DNM3: variants seen among roughly 807,000 people sequenced by gnomAD.
DNM3 encodes the protein dynamin-3.
Under a neutral mutation model 101.6 loss-of-function variants are expected in DNM3, and 47 were observed. The observed-to-expected ratio is 0.46, with a 90% CI of 0.37 to 0.59. The LOEUF (loss-of-function observed/expected upper bound fraction) is 0.59. Ranked by LOEUF, DNM3 falls within the 20% of genes least tolerant of loss-of-function variation. The pLI, the probability that DNM3 is intolerant of heterozygous loss-of-function variation, is 0.00. For missense variants in DNM3, 849 were observed against 1,085.7 expected, an observed-to-expected ratio of 0.78 and a Z score of 3.06; for synonymous variants, 385 against 387.9, an observed-to-expected ratio of 0.99 and a Z score of 0.09.
chr1:171,967,210 A>T (rs895634309), intron 2 of DNM3, among the ~76,000 whole-genome samples: 1 of 152,182 alleles, frequency 6.6e-6, no homozygotes, highest in Admixed American at 6.6e-5. Flanking sequence ...ATATGGTGGC[A>T]GTCTCATACT....
rs137934300 is a variant in DNM3 at position 171,849,067 on chromosome 1, C to A, written c.161+7250C>A. Among the ~76,000 whole-genome samples the A allele has an allele frequency of 2.6e-3, 393 of 152,270 alleles. 1 individual carries two copies. The highest frequency in any genetic ancestry group is 9.2e-3 in the African/African-American group (382 of 41,542). ...TACATGATAGCAGTAGCTAGGTATC[C>A]TGAAGGACCTCATTGTTTATCCTTC... On this transcript the variant is annotated intron_variant, in intron 1 of 20. Transcript: ENST00000627582.
intron 14 of DNM3, among the ~76,000 whole-genome samples, chr1:172,232,228 G>A (rs762474682): frequency 6.6e-6 from 1 of 151,972 alleles, no homozygotes; most frequent in Non-Finnish European, 1.5e-5. Context: ...AAAAAGGCAG[G>A]GGTTTCAATC....
At chr1:171,985,798 G>A (rs1355963158) in intron 2 of DNM3, among the ~76,000 whole-genome samples, 4 of 152,160 alleles carry the variant, frequency 2.6e-5, no homozygotes, top group Non-Finnish European at 5.9e-5. Flanking sequence ...TTTCCAGCCA[G>A]AGTGGCTGGG....
chr1:172,409,186 C>A lies in DNM3; in HGVS notation c.*1345C>A. The A allele has an allele frequency of 1.0e-6, 1 of 985,278 alleles. No homozygotes were observed. The highest frequency in any genetic ancestry group is 1.2e-6 in the Non-Finnish European group (1 of 829,860). 61.0% of individuals were successfully genotyped at this position (985,278 alleles called of 1,614,324 possible). ...CTGGAATTTTGTGTGCTAACTGTTC[C>A]CAGACAGCAGAGCAAGTATTCACTG... On this transcript the variant is annotated 3_prime_UTR_variant, in exon 21 of 21. Transcript: ENST00000627582.
chr1:172,336,313 C>T (rs988426144), intron 17 of DNM3, among the ~76,000 whole-genome samples: 16 of 151,966 alleles, frequency 1.1e-4, no homozygotes, highest in Non-Finnish European at 2.2e-4. Context: ...TTAAGTCTAG[C>T]GTTAATGCAC....
intron 15 of DNM3, among the ~76,000 whole-genome samples, chr1:172,304,008 G>C (rs183366070): frequency 2.0e-4 from 30 of 151,900 alleles, no homozygotes; most frequent in African/African-American, 7.3e-4. Context: ...CATAATGTCA[G>C]GATCAGAGTC....
chr1:172,191,368 G>T (rs2059716812), intron 14 of DNM3, among the ~76,000 whole-genome samples: 1 of 152,052 alleles, frequency 6.6e-6, no homozygotes, highest in African/African-American at 2.4e-5. Context: ...CTGTTCCATT[G>T]GTCTATATCT....
intron 14 of DNM3, among the ~76,000 whole-genome samples, chr1:172,191,045 C>T (rs1415714009): frequency 2.6e-5 from 4 of 152,028 alleles, no homozygotes; most frequent in Non-Finnish European, 4.4e-5. Flanking sequence ...TCAATTTTGG[C>T]TTTTGTTGCC....
At chr1:172,005,186 GAAT>G (rs1264773918) in intron 4 of DNM3, among the ~76,000 whole-genome samples, 1 of 151,900 alleles carries the variant, frequency 6.6e-6, no homozygotes, top group Non-Finnish European at 1.5e-5. Flanking sequence ...CTGTAAAATG[GAAT>G]AATAATAATA....
At chr1:172,012,414 T>C (rs1368302875) in intron 4 of DNM3, among the ~76,000 whole-genome samples, 1 of 152,042 alleles carries the variant, frequency 6.6e-6, no homozygotes, top group Non-Finnish European at 1.5e-5. Flanking sequence ...TGTAATTCAA[T>C]TGTAAGAAGG....
intron 1 of DNM3, among the ~76,000 whole-genome samples, chr1:171,853,724 A>T (rs1281895759): frequency 1.3e-5 from 2 of 152,072 alleles, no homozygotes; most frequent in Non-Finnish European, 2.9e-5. Flanking sequence ...ATGTGGGATA[A>T]CTCTGACAGC....
At position 171,990,296 on chromosome 1, in the gene DNM3, G is replaced by A. The variant is rs114468400; in HGVS notation, c.589+1148G>A. ...TGCCGCTTGTTCGTGCATGAGAGTGGAGCACCAAAAAGCTGATTTATGTAC... is the reference window on the plus strand; with the variant it reads ...TGCCGCTTGTTCGTGCATGAGAGTGAAGCACCAAAAAGCTGATTTATGTAC... On this transcript the variant is annotated intron_variant, in intron 4 of 20. Coordinates refer to ENST00000627582, the MANE Select transcript of DNM3 (RefSeq NM_015569.5). 2.9e-3 allele frequency among the ~76,000 whole-genome samples: 439 copies of A among 152,216 alleles called. 3 individuals are homozygous for A. The highest frequency in any genetic ancestry group is 0.01 in the African/African-American group (420 of 41,552).
In DNM3 at chr1:172,269,207, T is replaced by C. The variant is rs114811036; in HGVS notation, c.1769+15525T>C. 4.1e-3 allele frequency among the ~76,000 whole-genome samples: 631 copies of C among 152,336 alleles called. 11 individuals carry two copies. Among genetic ancestry groups the C allele is most frequent in the African/African-American group, 0.014 (593 of 41,580 alleles). On this transcript the variant is annotated intron_variant, in intron 15 of 20. Coordinates refer to ENST00000627582, the MANE Select transcript of DNM3 (RefSeq NM_015569.5). ...TTGATGAATGAGCCCAACACGGCTA[T>C]GTAAAGTTCAAGAACAAAAAGAAAT... is the stretch of plus-strand genomic sequence containing the variant.
chr1:171,993,509 T>G (rs1283943459), intron 4 of DNM3, among the ~76,000 whole-genome samples: 1 of 150,880 alleles, frequency 6.6e-6, no homozygotes, highest in Non-Finnish European at 1.5e-5. Context: ...TTTTTTTTTT[T>G]TTTTTGTCTT....
chr1:172,337,495 TG>T (rs1445770404), intron 17 of DNM3, among the ~76,000 whole-genome samples: 4 of 152,230 alleles, frequency 2.6e-5, no homozygotes, highest in African/African-American at 9.6e-5. Flanking sequence ...TCCCTTCTGG[TG>T]ATACACAAAG....
chr1:172,195,549 G>T (rs939407011), intron 14 of DNM3, among the ~76,000 whole-genome samples: 2 of 151,736 alleles, frequency 1.3e-5, no homozygotes, highest in African/African-American at 2.4e-5. Flanking sequence ...TATGATGTTA[G>T]CTCTATAGTT....
At chr1:171,980,798 T>TCA (rs2044735598) in intron 2 of DNM3, among the ~76,000 whole-genome samples, 1 of 138,394 alleles carries the variant, frequency 7.2e-6, no homozygotes, top group African/African-American at 2.8e-5. Context: ...TGAGACAGAG[T>TCA]CTCACTCTGT....
At chr1:172,290,179 A>C (rs1228168619) in intron 15 of DNM3, 2 of 213,852 alleles carry the variant, frequency 9.4e-6, no homozygotes, top group East Asian at 3.7e-4. Flanking sequence ...AAGCTCCATC[A>C]ATGGACTTGT....
intron 16 of DNM3, among the ~76,000 whole-genome samples, chr1:172,319,161 G>A (rs1242933315): frequency 6.6e-6 from 1 of 152,158 alleles, no homozygotes; most frequent in Non-Finnish European, 1.5e-5. Context: ...TTAATAAATG[G>A]TGCTGGGAAA....
Sources: allele counts gnomAD v4.1 joint callset (sites outside exome capture counted in the v4.1 genomes callset), GRCh38; gene constraint gnomAD v4.1.1; transcripts MANE v1.5; gene names NCBI Gene and HGNC (gene_info 2026-07-23, HGNC 2026-07-21).